The following TMEM260 variants were observed in gnomAD, a reference collection of about 807,000 sequenced individuals.
The protein encoded by TMEM260 is transmembrane protein 260, also known as protein O-mannosyl-transferase TMEM260.
TMEM260 carries 82 observed loss-of-function variants against 88.9 expected under a neutral mutation model. That is an observed-to-expected ratio of 0.92 (90% CI 0.77 to 1.11). TMEM260 has a LOEUF of 1.11. TMEM260 is among the 50% of genes least tolerant of loss of function. The pLI is 0.00. For missense variants in TMEM260, 902 were observed against 853.4 expected (o/e 1.06, Z -0.71); for synonymous variants, 314 against 309.3 (o/e 1.02, Z -0.16).
intron 14 of TMEM260, among the ~76,000 whole-genome samples, chr14:56,635,296 T>C (rs907806013): frequency 6.6e-6 from 1 of 152,152 alleles, no homozygotes; most frequent in African/African-American, 2.4e-5. Flanking sequence ...ATCGATTGAG[T>C]AGAAATTAAT....
chr14:56,581,745 G>GTCACACAAA, intron 1 of TMEM260, among the ~76,000 whole-genome samples: 1 of 152,264 alleles, frequency 6.6e-6, no homozygotes, highest in East Asian at 1.9e-4. Flanking sequence ...CTAAGGCTAA[G>GTCACACAAA]CTATGCCCAA....
intron 3 of TMEM260, among the ~76,000 whole-genome samples, chr14:56,592,572 ATT>A (rs1885931817): frequency 3.9e-5 from 6 of 152,332 alleles, no homozygotes; most frequent in Admixed American, 3.9e-4. Flanking sequence ...CATGGTGTTG[ATT>A]ATATGAATAA....
chr14:56,593,677 C>CTTTTTTTTTTTTT (rs34268894), intron 3 of TMEM260, among the ~76,000 whole-genome samples: 1 of 63,506 alleles, frequency 1.6e-5, no homozygotes, highest in East Asian at 4.7e-4. Context: ...AGGTGAGTGT[C>CTTTTTTTTTTTTT]TTTTTTTTTT....
downstream of TMEM260, among the ~76,000 whole-genome samples, chr14:56,654,738 C>T (rs1353785685): frequency 2.8e-5 from 4 of 145,272 alleles, no homozygotes; most frequent in Non-Finnish European, 6.0e-5. Flanking sequence ...CGCTTGAACC[C>T]GGGAGGCAGA....
In TMEM260 at chr14:56,621,573, A is replaced by G. The variant is rs747163743; in HGVS notation, c.1269A>G (p.Ala423=). 26 of 1,610,612 alleles carry G rather than the reference A, an allele frequency of 1.6e-5. No homozygotes were observed. The highest frequency in any genetic ancestry group is 9.3e-5 in the African/African-American group (7 of 74,936). ...CCAACTATGTGATTGATAAGTTCGC[A>G]AAGAACCTTCTCACCTCTATGCCTC... ...QRTNYVIDKF[A]KNLLTSMPHD... The change falls in exon 11 of 16, where the codon GCA becomes GCG. Residue 423 remains alanine, a synonymous_variant. Transcript: ENST00000261556.
Position 56,636,497 on chromosome 14 carries a change from C to G in TMEM260, c.1779-11C>G. 1 of 1,612,892 alleles carries G rather than the reference C, an allele frequency of 6.2e-7. No individual in the cohort carries two copies. The highest frequency in any genetic ancestry group is 8.5e-7 in the Non-Finnish European group (1 of 1,179,134). Reference sequence around the variant, plus strand: ...TATGATTTTAATGAAGGTTCCTATCCCCACCCCCAGGATGAAAACACCGTT... The same window carrying G: ...TATGATTTTAATGAAGGTTCCTATCGCCACCCCCAGGATGAAAACACCGTT... On this transcript the variant is annotated splice_polypyrimidine_tract_variant and intron_variant, in intron 14 of 15. Transcript: ENST00000261556.
chr14:56,616,660 A>G (rs922119942), intron 8 of TMEM260, among the ~76,000 whole-genome samples: 1 of 151,986 alleles, frequency 6.6e-6, no homozygotes, highest in African/African-American at 2.4e-5. Flanking sequence ...AGTAATAACA[A>G]AGCATTTTTA....
intron 15 of TMEM260, among the ~76,000 whole-genome samples, chr14:56,642,409 C>T (rs1484759253): frequency 6.6e-6 from 1 of 152,112 alleles, no homozygotes; most frequent in African/African-American, 2.4e-5. Flanking sequence ...TGAATGACTA[C>T]TGGGTACATA....
intron 15 of TMEM260, 139 bp downstream of exon 15, chr14:56,636,737 A>G (rs972352726): frequency 3.8e-5 from 27 of 710,528 alleles, no homozygotes; most frequent in Middle Eastern, 3.5e-4. Flanking sequence ...AAAGCAGCAC[A>G]TATGAACAAA....
the TMEM260 span, among the ~76,000 whole-genome samples, chr14:56,661,748 T>C: frequency 4.6e-5 from 7 of 152,206 alleles, no homozygotes; most frequent in African/African-American, 1.7e-4. Flanking sequence ...CACAGGCATA[T>C]GTTCTATTGC....
At chr14:56,652,174 C>G (rs1288128181), downstream of TMEM260, among the ~76,000 whole-genome samples, 1 of 152,138 alleles carries the variant, frequency 6.6e-6, no homozygotes, top group African/African-American at 2.4e-5. Flanking sequence ...TCACCCATTA[C>G]CCTGGATCCT....
chr14:56,622,626 TTAAAC>T (rs1310813476), intron 11 of TMEM260, among the ~76,000 whole-genome samples: 2 of 152,042 alleles, frequency 1.3e-5, no homozygotes, highest in Admixed American at 6.6e-5. Flanking sequence ...GAAGAACTAT[TTAAAC>T]TAAGATTTAT....
At chr14:56,589,193 T>C (rs1885698795) in intron 3 of TMEM260, among the ~76,000 whole-genome samples, 1 of 152,148 alleles carries the variant, frequency 6.6e-6, no homozygotes, top group African/African-American at 2.4e-5. Context: ...TAGCATTGTA[T>C]AAAAATTCTT....
chr14:56,618,452 T>C, intron 9 of TMEM260, 142 bp from the exon 10 acceptor site: 1 of 725,578 alleles, frequency 1.4e-6, no homozygotes. Flanking sequence ...TGGGCTTGGA[T>C]TGGGGAAATC....
intron 11 of TMEM260, among the ~76,000 whole-genome samples, chr14:56,624,744 C>T (rs767645283): frequency 2.0e-5 from 3 of 152,040 alleles, no homozygotes; most frequent in East Asian, 1.9e-4. Flanking sequence ...GCTATGGAGA[C>T]AGAGGAGGGC....
chr14:56,632,028 C>G (rs1264675253), intron 12 of TMEM260, among the ~76,000 whole-genome samples: 1 of 152,188 alleles, frequency 6.6e-6, no homozygotes, highest in Non-Finnish European at 1.5e-5. Flanking sequence ...ACCAGGTACC[C>G]AGTCTGGAAC....
At chr14:56,636,913 G>T (rs2139637575) in intron 15 of TMEM260, among the ~76,000 whole-genome samples, 1 of 152,338 alleles carries the variant, frequency 6.6e-6, no homozygotes, top group South Asian at 2.1e-4. Flanking sequence ...GAGACAGGGG[G>T]TTACCCCAGA....
At chr14:56,647,034 G>GT (rs1890009233) in intron 15 of TMEM260, among the ~76,000 whole-genome samples, 1 of 152,138 alleles carries the variant, frequency 6.6e-6, no homozygotes, top group African/African-American at 2.4e-5. Context: ...CTCAGAAGCA[G>GT]TTTTAGAAGC....
intron 15 of TMEM260, among the ~76,000 whole-genome samples, chr14:56,645,479 T>A (rs1378886055): frequency 1.4e-5 from 2 of 140,902 alleles, no homozygotes; most frequent in African/African-American, 5.1e-5. Flanking sequence ...AACATCACAC[T>A]CGGGGGACTG....
Sources: gnomAD v4.1 joint callset for allele counts (sites outside exome capture counted in the v4.1 genomes callset) on GRCh38, gnomAD v4.1.1 for gene constraint, MANE v1.5 for transcripts, NCBI Gene and HGNC (gene_info 2026-07-23, HGNC 2026-07-21) for gene names.